PARVB: variants seen among roughly 807,000 people sequenced by gnomAD.
PARVB encodes the protein beta-parvin.
Under a neutral mutation model 47.0 loss-of-function variants are expected in PARVB, and 46 were observed. The observed-to-expected ratio is 0.98, with a 90% CI of 0.77 to 1.25. The LOEUF is 1.25. PARVB is among the 50% of genes most tolerant of loss of function. The pLI, the probability that PARVB is intolerant of heterozygous loss-of-function variation, is 0.00. For synonymous variants in PARVB, 196 were observed against 196.3 expected, an observed-to-expected ratio of 1.00 and a Z score of 0.01; for missense variants, 473 against 471.6, an observed-to-expected ratio of 1.00 and a Z score of -0.03.
chr22:44,168,249 A>G (rs534638932), intron 12 of PARVB: 9 of 215,708 alleles, frequency 4.2e-5, no homozygotes, highest in Non-Finnish European at 5.6e-5. Flanking sequence ...GGGTCCATTA[A>G]GTGTTACTGG....
At chr22:44,122,554 CACAGAGACAGAGAGAGAG>C (rs2053086204) in intron 4 of PARVB, among the ~76,000 whole-genome samples, 8 of 54,078 alleles carry the variant, frequency 1.5e-4, no homozygotes, top group Middle Eastern at 0.011. Flanking sequence ...GAGAGAGAGA[CACAGAGACAGAGAGAGAG>C]AGAGAGAGAG....
At chr22:44,046,431 C>T (rs755563342) in intron 1 of PARVB, among the ~76,000 whole-genome samples, 2 of 152,234 alleles carry the variant, frequency 1.3e-5, no homozygotes, top group Non-Finnish European at 2.9e-5. Context: ...CACTGACCAC[C>T]AGTGGGGGAT....
intron 1 of PARVB, among the ~76,000 whole-genome samples, chr22:44,061,582 C>T (rs2051420822): frequency 6.6e-6 from 1 of 152,060 alleles, no homozygotes; most frequent in African/African-American, 2.4e-5. Flanking sequence ...GCAGAGCGCC[C>T]CGTGTTTGAC....
chr22:44,140,847 A>T (rs2053537369), intron 8 of PARVB: 1 of 241,718 alleles, frequency 4.1e-6, no homozygotes, highest in Non-Finnish European at 8.6e-6. Flanking sequence ...CTCTTCCCTC[A>T]TGAAAGCCTG....
In PARVB at chr22:44,037,232, G is replaced by A. The variant is rs529187553; in HGVS notation, c.112+12781G>A. On this transcript the variant is annotated intron_variant, in intron 1 of 12. Transcript: ENST00000338758. ...TGGCACATGCCTGTAGTCCCAGCCT[G>A]GCCAACATGGTGAAACCTTGTCTCT... Among the ~76,000 whole-genome samples the A allele has an allele frequency of 3.3e-5, 5 of 151,914 alleles. No individual in the cohort carries two copies. The East Asian group carries it at 9.7e-4, about 30-fold the overall frequency.
At chr22:44,095,794 C>T (rs982974517) in intron 2 of PARVB, among the ~76,000 whole-genome samples, 2 of 152,194 alleles carry the variant, frequency 1.3e-5, no homozygotes, top group African/African-American at 2.4e-5. Flanking sequence ...GTTTCCGTGA[C>T]GAGGCCAGGC....
intron 1 of PARVB, among the ~76,000 whole-genome samples, chr22:44,026,553 G>A (rs1470886528): frequency 6.6e-6 from 1 of 152,198 alleles, no homozygotes; most frequent in East Asian, 1.9e-4. Context: ...GATAATGAGG[G>A]CTTGAATAAT....
At chr22:44,012,644 C>T (rs575003929) in intron 2 of PARVB, among the ~76,000 whole-genome samples, 24 of 152,210 alleles carry the variant, frequency 1.6e-4, no homozygotes, top group African/African-American at 5.5e-4. Flanking sequence ...TTTTCTCCAT[C>T]GCACATCAAT....
At chr22:44,167,051 C>G (rs1473254671) in intron 12 of PARVB, among the ~76,000 whole-genome samples, 1 of 152,198 alleles carries the variant, frequency 6.6e-6, no homozygotes, top group Non-Finnish European at 1.5e-5. Flanking sequence ...TCTCACACCC[C>G]CTGCACGTGG....
At chr22:44,145,821 T>A (rs1185214163) in intron 8 of PARVB, 1 of 152,224 alleles carries the variant, frequency 6.6e-6, no homozygotes, top group Non-Finnish European at 1.5e-5. Context: ...CTGGCTGACG[T>A]CAAGCACTCT....
intron 1 of PARVB, among the ~76,000 whole-genome samples, chr22:44,061,289 G>A (rs1431151169): frequency 6.6e-6 from 1 of 152,036 alleles, no homozygotes; most frequent in African/African-American, 2.4e-5. Context: ...AAATTAGCTG[G>A]GCATGGTGGT....
Position 44,131,484 on chromosome 22 carries a change from C to T in PARVB, c.377-3C>T, listed in dbSNP as rs2053317379. ...CCCTCTTCTCTTGTGCTTCTCATTG[C>T]AGAAAAACTGGCAGGGTGCAAGCTG... On this transcript the variant is annotated splice_region_variant and splice_polypyrimidine_tract_variant and intron_variant, in intron 4 of 12. Transcript: ENST00000338758. The T allele has an allele frequency of 6.2e-7, 1 of 1,613,412 alleles. No individual in the cohort carries two copies. Among genetic ancestry groups the T allele is most frequent in the Non-Finnish European group, 8.5e-7 (1 of 1,179,720 alleles).
intron 1 of PARVB, among the ~76,000 whole-genome samples, chr22:44,069,903 C>T (rs948017066): frequency 2.0e-5 from 3 of 152,068 alleles, no homozygotes; most frequent in African/African-American, 7.3e-5. Context: ...GCCTGGCTTT[C>T]CCCTGGTCAC....
rs1569134616 is a variant in PARVB, at chr22:44,122,576, G to GACACAGAGAC, written c.376+3437_376+3438insCACAGAGACA. 3.3e-3 allele frequency among the ~76,000 whole-genome samples: 374 copies of GACACAGAGAC among 114,704 alleles called. 20 individuals are homozygous for GACACAGAGAC. Among genetic ancestry groups the GACACAGAGAC allele is most frequent in the African/African-American group, 0.012 (357 of 29,654 alleles). The allele number at this position is 114,704 out of a possible 152,430, so 75.3% of individuals were successfully genotyped here. On this transcript the variant is annotated intron_variant, in intron 4 of 12. Transcript: ENST00000338758. ...AGACACAGAGACAGAGAGAGAGAGA[G>GACACAGAGAC]AGAGAGAGAGAGAGAGAGAGAGAGA...
intron 1 of PARVB, among the ~76,000 whole-genome samples, chr22:44,045,237 A>G (rs546978110): frequency 3.9e-4 from 59 of 152,190 alleles, no homozygotes; most frequent in African/African-American, 1.4e-3. Context: ...CTGGGTGACA[A>G]AGAGAGAGTC....
chr22:44,097,126 A>G (rs2052326941), intron 2 of PARVB, among the ~76,000 whole-genome samples: 1 of 151,674 alleles, frequency 6.6e-6, no homozygotes, highest in Non-Finnish European at 1.5e-5. Flanking sequence ...CAGAGATGGC[A>G]TGGCGGCTGG....
intron 4 of PARVB, among the ~76,000 whole-genome samples, chr22:44,123,931 C>T (rs2053129900): frequency 1.3e-5 from 2 of 152,230 alleles, no homozygotes; most frequent in South Asian, 2.1e-4. Context: ...ACAGGTCTGT[C>T]GTCAATAAGC....
chr22:43,999,834 GAAAAA>G (rs113458130), intron 2 of PARVB, among the ~76,000 whole-genome samples: 7 of 69,378 alleles, frequency 1.0e-4, no homozygotes, highest in African/African-American at 2.9e-4. Context: ...CCATCTATAT[GAAAAA>G]AAAAAAAAAA....
rs867594087 is a variant in PARVB at position 44,035,798 on chromosome 22, T to C, written c.112+11347T>C. On this transcript the variant is annotated intron_variant, in intron 1 of 12. Transcript: ENST00000338758. Reference sequence around the variant, plus strand: ...ATACGTGGGAACCCAAACAGATCACTTTTTTTTTTTTTTACTATGATATGG... The same window carrying C: ...ATACGTGGGAACCCAAACAGATCACCTTTTTTTTTTTTTACTATGATATGG... Among the ~76,000 whole-genome samples the C allele has an allele frequency of 3.3e-3, 454 of 138,610 alleles. 1 individual carries two copies. The highest frequency in any genetic ancestry group is 0.031 in the Middle Eastern group (8 of 262). The allele number at this position is 138,610 out of a possible 152,430, so 90.9% of individuals were successfully genotyped here.
Sources: gnomAD v4.1 joint callset for allele counts (sites outside exome capture counted in the v4.1 genomes callset) on GRCh38, gnomAD v4.1.1 for gene constraint, MANE v1.5 for transcripts, NCBI Gene and HGNC (gene_info 2026-07-23, HGNC 2026-07-21) for gene names.